Variants in CHN1 observed in about 807,000 individuals in gnomAD.
CHN1 encodes N-chimaerin.
A neutral mutation model predicts 59.5 loss-of-function variants in CHN1; 37 were observed. That is an observed-to-expected ratio of 0.62 (90% CI 0.48 to 0.82). CHN1 has a LOEUF of 0.82. Ranked by LOEUF, CHN1 falls within the 40% of genes least tolerant of loss-of-function variation. The pLI is 0.00. For synonymous variants in CHN1, 206 were observed against 200.4 expected (o/e 1.03, Z -0.24); for missense variants, 469 against 571.0 (o/e 0.82, Z 1.82).
At chr2:174,875,783 C>T in intron 6 of CHN1, 1 of 982,254 alleles carries the variant, frequency 1.0e-6, no homozygotes. Context: ...ATTGTCTTTA[C>T]TTACAAATGT....
At chr2:174,811,787 T>C (rs750234731) in intron 9 of CHN1, among the ~76,000 whole-genome samples, 199 bp from the exon 10 acceptor site, 8 of 152,222 alleles carry the variant, frequency 5.3e-5, no homozygotes, top group Non-Finnish European at 1.0e-4. Context: ...GAATATCATC[T>C]GGCTCATCAT....
chr2:174,840,557 C>T (rs1032904453), intron 7 of CHN1, among the ~76,000 whole-genome samples: 1 of 152,126 alleles, frequency 6.6e-6, no homozygotes, highest in African/African-American at 2.4e-5. Flanking sequence ...AGTCAAGGAC[C>T]GTACATTACA....
chr2:174,997,894 G>C (rs998962551), intron 1 of CHN1, among the ~76,000 whole-genome samples: 1 of 151,286 alleles, frequency 6.6e-6, no homozygotes, highest in Non-Finnish European at 1.5e-5. Context: ...GGCTGATGCA[G>C]GAGAATCGCT....
intron 11 of CHN1, chr2:174,802,074 G>A (rs141615013): frequency 5.8e-6 from 2 of 343,558 alleles, no homozygotes; most frequent in East Asian, 1.3e-4. Flanking sequence ...GTATCTTGGA[G>A]TCTGACAACT....
At chr2:174,860,205 G>C (rs1289072333) in intron 6 of CHN1, among the ~76,000 whole-genome samples, 1 of 152,072 alleles carries the variant, frequency 6.6e-6, no homozygotes, top group Non-Finnish European at 1.5e-5. Flanking sequence ...TAATTAAACT[G>C]TTTTTAGAAA....
chr2:174,843,518 T>G (rs1686388984), intron 7 of CHN1, among the ~76,000 whole-genome samples: 2 of 152,162 alleles, frequency 1.3e-5, no homozygotes, highest in Admixed American at 1.3e-4. Context: ...ATTACAGGCA[T>G]GAGCCACTGT....
At chr2:174,974,202 T>C (rs1016010140) in intron 1 of CHN1, among the ~76,000 whole-genome samples, 1 of 152,226 alleles carries the variant, frequency 6.6e-6, no homozygotes, top group African/African-American at 2.4e-5. Context: ...TAGAGTCTTC[T>C]TTTAACTCCA....
At position 174,824,518 on chromosome 2, in the gene CHN1, C is replaced by T. The variant is rs747853328; in HGVS notation, c.628G>A (p.Val210Met). Residue 210 changes from valine (V) to methionine (M), a missense_variant and splice_region_variant, in exon 8 of 13, where the codon GTG becomes ATG. Transcript: ENST00000409900. ...CAGTGTGGCCCTCTGAATGTATGCA[C>T]CTGAAAAAAAAAAAGAGGGGCAAAG... ...PKYEKIHNFK[V>M]HTFRGPHWCE... is the part of the protein sequence containing the mutation. 6 of 1,581,946 alleles carry T rather than the reference C, an allele frequency of 3.8e-6. No individual in the cohort carries two copies. The highest frequency in any genetic ancestry group is 5.1e-6 in the Non-Finnish European group (6 of 1,165,516).
chr2:174,894,260 C>G (rs761642177), intron 5 of CHN1, among the ~76,000 whole-genome samples: 1 of 151,878 alleles, frequency 6.6e-6, no homozygotes, highest in Admixed American at 6.6e-5. Flanking sequence ...ATATAAAGAA[C>G]CCCTATAACT....
At chr2:174,952,476 T>C (rs1475060916) in intron 1 of CHN1, among the ~76,000 whole-genome samples, 1 of 152,240 alleles carries the variant, frequency 6.6e-6, no homozygotes, top group Non-Finnish European at 1.5e-5. Flanking sequence ...ACTCATTTCT[T>C]ACTATCACTG....
At chr2:174,844,884 A>C (rs996278888) in intron 7 of CHN1, among the ~76,000 whole-genome samples, 1 of 152,188 alleles carries the variant, frequency 6.6e-6, no homozygotes, top group African/African-American at 2.4e-5. Context: ...CTTGAGCATA[A>C]ATACTCTAAG....
chr2:174,800,437 C>T, intron 12 of CHN1, 150 bp from the exon 13 acceptor site: 1 of 531,796 alleles, frequency 1.9e-6, no homozygotes, highest in Admixed American at 3.7e-5. Flanking sequence ...TTTCAAAGTA[C>T]TGACTTTCCT....
intron 9 of CHN1, 67 bp downstream of exon 9, chr2:174,812,242 A>C: frequency 7.2e-7 from 1 of 1,392,714 alleles, no homozygotes; most frequent in Non-Finnish European, 9.7e-7. Context: ...TGAGGTACCC[A>C]AAAGGCATCA....
At chr2:174,819,897 G>A (rs1685422864) in intron 8 of CHN1, among the ~76,000 whole-genome samples, 1 of 139,478 alleles carries the variant, frequency 7.2e-6, no homozygotes, top group South Asian at 2.2e-4. Flanking sequence ...TCCCATCTAT[G>A]AGTGAGAACA....
At chr2:174,847,311 A>G in intron 6 of CHN1, 1 of 1,325,702 alleles carries the variant, frequency 7.5e-7, no homozygotes, top group Non-Finnish European at 9.6e-7. Context: ...AGGTCGACTA[A>G]CCAGCAAATT....
chr2:174,942,924 G>A (rs1689708604), intron 3 of CHN1, among the ~76,000 whole-genome samples: 1 of 151,938 alleles, frequency 6.6e-6, no homozygotes, highest in Non-Finnish European at 1.5e-5. Flanking sequence ...GGTGGCACAT[G>A]CCTGTAGTCC....
At chr2:174,950,775 A>T in intron 2 of CHN1, among the ~76,000 whole-genome samples, 1 of 147,498 alleles carries the variant, frequency 6.8e-6, no homozygotes, top group African/African-American at 2.6e-5. Context: ...AAATGCAGAG[A>T]AGTTTTTTTT....
At chr2:174,976,839 A>G (rs1319767310) in intron 1 of CHN1, among the ~76,000 whole-genome samples, 2 of 152,188 alleles carry the variant, frequency 1.3e-5, no homozygotes, top group African/African-American at 4.8e-5. Context: ...AGTCATTGTT[A>G]TACACACACC....
chr2:174,955,469 A>T (rs992881165), intron 1 of CHN1, among the ~76,000 whole-genome samples: 1 of 151,852 alleles, frequency 6.6e-6, no homozygotes, highest in Non-Finnish European at 1.5e-5. Flanking sequence ...GATACAATGG[A>T]CTTTGGGGAG....
Sources: allele counts gnomAD v4.1 joint callset (sites outside exome capture counted in the v4.1 genomes callset), GRCh38; gene constraint gnomAD v4.1.1; transcripts MANE v1.5; gene names NCBI Gene and HGNC (gene_info 2026-07-23, HGNC 2026-07-21).